PRSS2: variants seen among roughly 807,000 people sequenced by gnomAD.
PRSS2 encodes the protein trypsin-2.
In PRSS2, 19 loss-of-function variants were observed where a neutral mutation model predicts 19.2. That is an observed-to-expected ratio of 0.99 (90% CI 0.69 to 1.45). The LOEUF (loss-of-function observed/expected upper bound fraction) is 1.45, where lower values mean the gene tolerates loss of function less well. PRSS2 is among the 40% of genes most tolerant of loss of function. The pLI is 0.00. For missense variants in PRSS2, 288 were observed against 294.4 expected, an observed-to-expected ratio of 0.98 and a Z score of 0.16; for synonymous variants, 107 against 117.5, an observed-to-expected ratio of 0.91 and a Z score of 0.58.
At chr7:142,772,527 T>G in intron 2 of PRSS2, 1 of 685,046 alleles carries the variant, frequency 1.5e-6, no homozygotes, top group Non-Finnish European at 2.6e-6. Context: ...TAAGAATGAG[T>G]ACTTAAAAAT....
chr7:142,772,141 T>C lies in PRSS2; in HGVS notation c.133T>C (p.Tyr45His), dbSNP rs1456388521. ...VPYQVSLNSG[Y>H]HFCGGSLISE... ...CTACCAGGTGTCCTTGAATTCTGGC[T>C]ACCACTTCTGCGGTGGCTCCCTCAT... The change falls in exon 2 of 5, where the codon TAC becomes CAC. Residue 45 changes from tyrosine (Y) to histidine (H), a missense_variant. Tyr to His is a moderately conservative substitution (Grantham distance 83). Transcript: ENST00000539842. The C allele has an allele frequency of 1.2e-6, 2 of 1,613,864 alleles. No individual in the cohort carries two copies. Among genetic ancestry groups the C allele is most frequent in the African/African-American group, 1.3e-5 (1 of 75,064 alleles).
Position 142,773,996 on chromosome 7 carries a change from A to AAG in PRSS2, c.534_535dup (p.Ile179ArgfsTer66). On this transcript the variant is annotated frameshift_variant, in exon 4 of 5. Coordinates refer to ENST00000539842, the MANE Select transcript of PRSS2 (RefSeq NM_002770.4). LOFTEE classifies it high-confidence loss of function. ...TGAGTGTGAAGCCTCCTACCCTGGA[A>AAG]AGATTACCAACAACATGTTCTGTGT... 6.2e-7 allele frequency: 1 copy of AAG among 1,608,300 alleles called. No individual in the cohort carries two copies. Among genetic ancestry groups the AAG allele is most frequent in the Non-Finnish European group, 8.5e-7 (1 of 1,174,728 alleles).
At chr7:142,773,600 TC>T in intron 3 of PRSS2, 81 bp downstream of exon 3, 6 of 1,428,512 alleles carry the variant, frequency 4.2e-6, no homozygotes, top group Non-Finnish European at 5.9e-6. Context: ...TTAAATCCTC[TC>T]GCCTCCAGGC....
Position 142,772,642 on chromosome 7 carries a change from G to C in PRSS2, c.200+434G>C, listed in dbSNP as rs1800036264. The C allele has an allele frequency of 7.0e-5, 45 of 640,018 alleles. No homozygotes were observed. The South Asian group carries it at 7.6e-4, about 11-fold the overall frequency. 39.6% of individuals were successfully genotyped at this position (640,018 alleles called of 1,614,324 possible). ...ACTCTACCTCTGGTAACTGTAGAGT[G>C]TATAGACAGAGCTGAGAACTGCTGC... On this transcript the variant is annotated intron_variant, in intron 2 of 4. Coordinates refer to ENST00000539842, the MANE Select transcript of PRSS2 (RefSeq NM_002770.4).
intron 1 of PRSS2, 118 bp downstream of exon 1, chr7:142,771,140 G>A (rs1206903332): frequency 6.0e-6 from 3 of 500,866 alleles, no homozygotes; most frequent in Non-Finnish European, 1.1e-5. Flanking sequence ...TCCTCCATCT[G>A]GCATTTCTTC....
chr7:142,773,642 C>G, intron 3 of PRSS2, 123 bp downstream of exon 3: 1 of 1,275,972 alleles, frequency 7.8e-7, no homozygotes, highest in South Asian at 1.3e-5. Context: ...CCATTACACA[C>G]AGGCTCTGCA....
chr7:142,772,301 G>A (rs1041901336), intron 2 of PRSS2, 93 bp downstream of exon 2: 88 of 1,444,738 alleles, frequency 6.1e-5, no homozygotes, highest in African/African-American at 7.2e-5. Context: ...TGGGTAGGAC[G>A]GACGAGAGAG....
Position 142,773,266 on chromosome 7 carries a change from C to G in PRSS2, c.201C>G (p.Ser67=). ...TCACCATGCCTGCCCTGCCCATCAG[C>G]CGCATCCAGGTGAGACTGGGAGAGC... ...WVVSAGHCYK[S]RIQVRLGEHN... The change falls in exon 3 of 5, where the codon TCC becomes TCG. Residue 67 remains serine (S), a splice_region_variant and synonymous_variant. Transcript: ENST00000539842. The G allele has an allele frequency of 6.2e-7, 1 of 1,614,250 alleles. No homozygotes were observed. Among genetic ancestry groups the G allele is most frequent in the Middle Eastern group, 1.6e-4 (1 of 6,062 alleles).
chr7:142,773,989 C>T lies in PRSS2; in HGVS notation c.525C>T (p.Tyr175=). 2 of 1,609,048 alleles carry T rather than the reference C, an allele frequency of 1.2e-6. No homozygotes were observed. The change falls in exon 4 of 5, where the codon TAC becomes TAT. Residue 175 remains tyrosine (Y), a synonymous_variant. Coordinates refer to ENST00000539842, the MANE Select transcript of PRSS2 (RefSeq NM_002770.4). Reference sequence around the variant, plus strand: ...GCCAGGCTGAGTGTGAAGCCTCCTACCCTGGAAAGATTACCAACAACATGT... The same window carrying T: ...GCCAGGCTGAGTGTGAAGCCTCCTATCCTGGAAAGATTACCAACAACATGT... ...VLSQAECEAS[Y]PGKITNNMFC... is the part of the protein sequence containing the mutation.
chr7:142,772,089 C>A lies in PRSS2; in HGVS notation c.81C>A (p.Gly27=), dbSNP rs749785284. 2.5e-6 allele frequency: 4 copies of A among 1,613,714 alleles called. No homozygotes were observed. The highest frequency in any genetic ancestry group is 2.7e-5 in the African/African-American group (2 of 74,948). ...PFDDDDKIVG[G]YICEENSVPY... ...ATGATGATGACAAGATCGTTGGGGGCTACATCTGTGAGGAGAATTCTGTCC... is the reference window on the plus strand; with the variant it reads ...ATGATGATGACAAGATCGTTGGGGGATACATCTGTGAGGAGAATTCTGTCC... The change falls in exon 2 of 5, where the codon GGC becomes GGA. Residue 27 remains glycine (G), a synonymous_variant. Coordinates refer to ENST00000539842, the MANE Select transcript of PRSS2 (RefSeq NM_002770.4).
In PRSS2 at chr7:142,774,437, A is replaced by G; in HGVS notation, c.673A>G (p.Arg225Gly). The G allele has an allele frequency of 1.9e-6, 3 of 1,607,158 alleles. No homozygotes were observed. Among genetic ancestry groups the G allele is most frequent in the Non-Finnish European group, 2.6e-6 (3 of 1,173,738 alleles). The change falls in exon 5 of 5, where the codon AGG becomes GGG. Residue 225 changes from arginine (R) to glycine (G), a missense_variant. Coordinates refer to ENST00000539842, the MANE Select transcript of PRSS2 (RefSeq NM_002770.4). ...SWGYGCAQKNRPGVYTKVYNY... is the reference protein window; with the variant it reads ...SWGYGCAQKNGPGVYTKVYNY... ...GGGCTATGGCTGTGCCCAGAAGAAC[A>G]GGCCTGGAGTCTACACCAAGGTCTA... is the stretch of plus-strand genomic sequence containing the variant.
At chr7:142,771,930 CT>C in intron 1 of PRSS2, 118 bp from the exon 2 acceptor site, 1 of 1,490,752 alleles carries the variant, frequency 6.7e-7, no homozygotes, top group East Asian at 2.3e-5. Flanking sequence ...CGCTCCCCCC[CT>C]TGCCTAGCCT....
rs1799960964 is a variant in PRSS2 at position 142,772,068 on chromosome 7, T to C, written c.60T>C (p.Asp20=). The C allele has an allele frequency of 6.8e-6, 11 of 1,613,736 alleles. No individual in the cohort carries two copies. The highest frequency in any genetic ancestry group is 5.0e-5 in the Admixed American group (3 of 59,992). ...CTCCAGTTGCTGCCCCCTTTGATGA[T>C]GATGACAAGATCGTTGGGGGCTACA... ...VAAAVAAPFD[D]DDKIVGGYIC... is the part of the protein sequence containing the mutation. The change falls in exon 2 of 5, where the codon GAT becomes GAC. Residue 20 remains aspartate (D), a synonymous_variant. Transcript: ENST00000539842.
chr7:142,772,574 A>AT (rs1800029400), intron 2 of PRSS2: 1 of 573,800 alleles, frequency 1.7e-6, no homozygotes, highest in Non-Finnish European at 3.0e-6. Flanking sequence ...CAATTAACTC[A>AT]AAATTATCAG....
intron 3 of PRSS2, 107 bp from the exon 4 acceptor site, chr7:142,773,812 G>A: frequency 2.0e-6 from 3 of 1,473,328 alleles, no homozygotes; most frequent in Non-Finnish European, 9.5e-7. Context: ...ATGTTTTGGA[G>A]TCCTCTCCAG....
Position 142,772,305 on chromosome 7 carries a change from G to A in PRSS2, c.200+97G>A, listed in dbSNP as rs903326655. The A allele has an allele frequency of 3.1e-5, 43 of 1,401,888 alleles. No individual in the cohort carries two copies. In the South Asian group the frequency reaches 3.8e-4, roughly 12 times the overall value. 86.8% of individuals were successfully genotyped at this position (1,401,888 alleles called of 1,614,324 possible). On this transcript the variant is annotated intron_variant, in intron 2 of 4. Transcript: ENST00000539842. ...AGTACTGAGGTTGGGTAGGACGGAC[G>A]AGAGAGATGGTGGAAAAGAAAACTT...
intron 2 of PRSS2, chr7:142,772,617 A>C: frequency 3.0e-6 from 2 of 667,710 alleles, no homozygotes; most frequent in Non-Finnish European, 5.4e-6. Context: ...AGTATTTCAC[A>C]CTCTACCTCT....
In PRSS2 at chr7:142,774,535, T is replaced by C. The variant is rs898396738; in HGVS notation, c.*27T>C. 29 of 1,599,670 alleles carry C rather than the reference T, an allele frequency of 1.8e-5. No individual in the cohort carries two copies. In the African/African-American group the frequency reaches 2.8e-4, roughly 15 times the overall value. On this transcript the variant is annotated 3_prime_UTR_variant, in exon 5 of 5. Coordinates refer to ENST00000539842, the MANE Select transcript of PRSS2 (RefSeq NM_002770.4). ...GCCCCTGGTCCCTCTGCAGTCTCTA[T>C]ACCAATAAAGTGACCCTGCTCTCAC...
chr7:142,773,063 C>T (rs1554506441), intron 2 of PRSS2, among the ~76,000 whole-genome samples: 1 of 152,096 alleles, frequency 6.6e-6, no homozygotes, highest in Admixed American at 6.6e-5. Flanking sequence ...CACTCCACTA[C>T]CACCAACCTC....
Sources: allele counts gnomAD v4.1 joint callset (sites outside exome capture counted in the v4.1 genomes callset), GRCh38; gene constraint gnomAD v4.1.1; transcripts MANE v1.5; gene names NCBI Gene and HGNC (gene_info 2026-07-23, HGNC 2026-07-21).